STAG1: variants seen among roughly 807,000 people sequenced by gnomAD.
STAG1 encodes cohesin subunit SA-1.
In STAG1, 26 loss-of-function variants were observed where a neutral mutation model predicts 170.9. The ratio of observed to expected loss-of-function variants is 0.15; its 90% CI spans 0.11 to 0.21. The LOEUF (loss-of-function observed/expected upper bound fraction) is 0.21. Among genes scored for constraint, STAG1 ranks in the 10% least tolerant of loss-of-function variants. STAG1 has a pLI of 1.00. For synonymous variants in STAG1, 514 were observed against 497.7 expected, an observed-to-expected ratio of 1.03 and a Z score of -0.44; for missense variants, 964 against 1,509.5, an observed-to-expected ratio of 0.64 and a Z score of 5.99.
At chr3:136,675,611 A>G (rs1450575507) in intron 1 of STAG1, among the ~76,000 whole-genome samples, 4 of 152,152 alleles carry the variant, frequency 2.6e-5, no homozygotes, top group Non-Finnish European at 5.9e-5. Context: ...TAGGTTTACT[A>G]TATTCACCAA....
intron 16 of STAG1, among the ~76,000 whole-genome samples, chr3:136,432,968 C>A (rs1208688188): frequency 6.6e-6 from 1 of 152,050 alleles, no homozygotes; most frequent in African/African-American, 2.4e-5. Context: ...AAAATATTTC[C>A]CAATGTGTGT....
At chr3:136,663,314 A>C (rs1941640891) in intron 1 of STAG1, among the ~76,000 whole-genome samples, 1 of 152,182 alleles carries the variant, frequency 6.6e-6, no homozygotes, top group Admixed American at 6.5e-5. Context: ...TTTAACTCTC[A>C]CAACAACCCT....
At chr3:136,486,741 C>T (rs1425686379) in intron 9 of STAG1, among the ~76,000 whole-genome samples, 1 of 152,084 alleles carries the variant, frequency 6.6e-6, no homozygotes, top group Non-Finnish European at 1.5e-5. Context: ...TTCCAACTAA[C>T]TCTTAGAGTT....
intron 15 of STAG1, among the ~76,000 whole-genome samples, chr3:136,435,356 C>A (rs1469650536): frequency 6.6e-6 from 1 of 152,174 alleles, no homozygotes; most frequent in African/African-American, 2.4e-5. Flanking sequence ...ATGCACTTAG[C>A]TAGCAGTAGA....
chr3:136,419,935 T>C (rs1559790170), intron 20 of STAG1, among the ~76,000 whole-genome samples: 2 of 152,056 alleles, frequency 1.3e-5, no homozygotes, highest in African/African-American at 4.8e-5. Flanking sequence ...TTACAGTAAA[T>C]AAATTTTATA....
intron 16 of STAG1, among the ~76,000 whole-genome samples, chr3:136,432,370 T>C (rs1269758231): frequency 1.3e-5 from 2 of 152,234 alleles, no homozygotes; most frequent in African/African-American, 4.8e-5. Flanking sequence ...ATAGCCCTAC[T>C]GAGAAGCCAT....
chr3:136,645,635 T>A (rs576930782), intron 1 of STAG1, among the ~76,000 whole-genome samples: 1 of 152,378 alleles, frequency 6.6e-6, no homozygotes, highest in East Asian at 1.9e-4. Context: ...TTAAGCTTTA[T>A]GGGTAAACCC....
At chr3:136,748,714 T>C (rs1935075786) in intron 1 of STAG1, among the ~76,000 whole-genome samples, 1 of 152,170 alleles carries the variant, frequency 6.6e-6, no homozygotes. Flanking sequence ...TAATAGTAAT[T>C]TTTTTAAATT....
At chr3:136,430,806 G>GACAGACACACACAC (rs778171419) in intron 16 of STAG1, among the ~76,000 whole-genome samples, 4 of 131,160 alleles carry the variant, frequency 3.0e-5, no homozygotes, top group African/African-American at 1.1e-4. Context: ...GACATAGACA[G>GACAGACACACACAC]ACACACACAC....
intron 1 of STAG1, among the ~76,000 whole-genome samples, chr3:136,744,684 T>TA (rs1288450273): frequency 6.7e-6 from 1 of 149,924 alleles, no homozygotes; most frequent in Non-Finnish European, 1.5e-5. Context: ...TTTTTTTTTT[T>TA]TTTTTTTTTG....
chr3:136,549,716 T>A (rs1366837008), intron 5 of STAG1, among the ~76,000 whole-genome samples: 1 of 151,614 alleles, frequency 6.6e-6, no homozygotes. Flanking sequence ...ATACACAGAA[T>A]AGAAGTGGTG....
rs966365655 is a variant in STAG1, at chr3:136,613,230, A to C, written c.133-8757T>G. On this transcript the variant is annotated intron_variant, in intron 3 of 33. Coordinates refer to ENST00000383202, the MANE Select transcript of STAG1 (RefSeq NM_005862.3). ...TGAGGCAGGAGAACGGTGTGAACCC[A>C]GGAGGCGGAGCTTGCAGTGAGCCAC... Among the ~76,000 whole-genome samples, 5 of 141,302 alleles carry C rather than the reference A, an allele frequency of 3.5e-5. No individual in the cohort carries two copies. In the South Asian group the frequency reaches 1.2e-3, roughly 34 times the overall value. The allele number at this position is 141,302 out of a possible 152,430, so 92.7% of individuals were successfully genotyped here.
intron 6 of STAG1, among the ~76,000 whole-genome samples, chr3:136,531,907 T>TAAAAAAAAA (rs58322006): frequency 1.1e-5 from 1 of 90,344 alleles, no homozygotes; most frequent in Non-Finnish European, 2.6e-5. Context: ...ACTTAAAGTA[T>TAAAAAAAAA]AAAAAAAAAA....
chr3:136,696,025 T>C lies in STAG1; in HGVS notation c.-84+56170A>G, dbSNP rs144422602. 9.2e-5 allele frequency among the ~76,000 whole-genome samples: 14 copies of C among 152,280 alleles called. No homozygotes were observed. The East Asian group carries it at 2.1e-3, about 23-fold the overall frequency. On this transcript the variant is annotated intron_variant, in intron 1 of 33. Coordinates refer to ENST00000383202, the MANE Select transcript of STAG1 (RefSeq NM_005862.3). ...AAAAACAGAATTGCAATTCAGGACA[T>C]ACACACAGAGCAGGATAATCTTTGG...
intron 1 of STAG1, among the ~76,000 whole-genome samples, chr3:136,714,638 G>A (rs999881084): frequency 6.6e-6 from 1 of 152,026 alleles, no homozygotes; most frequent in Admixed American, 6.6e-5. Flanking sequence ...TGAGGCAGGA[G>A]AATGGCATGA....
At chr3:136,490,897 T>C (rs1334465869) in intron 9 of STAG1, among the ~76,000 whole-genome samples, 1 of 152,230 alleles carries the variant, frequency 6.6e-6, no homozygotes, top group African/African-American at 2.4e-5. Context: ...TTTGTTGTTG[T>C]TGTTATTCTT....
chr3:136,536,718 A>C (rs1378571779), intron 6 of STAG1, among the ~76,000 whole-genome samples: 2 of 151,394 alleles, frequency 1.3e-5, no homozygotes, highest in Admixed American at 6.6e-5. Flanking sequence ...AAAAAAAAAA[A>C]AAAAAAAACT....
chr3:136,464,043 T>G (rs2089371540), intron 13 of STAG1, among the ~76,000 whole-genome samples: 1 of 151,396 alleles, frequency 6.6e-6, no homozygotes, highest in African/African-American at 2.4e-5. Context: ...ACGTTATGCT[T>G]TACAAAAAAA....
chr3:136,676,473 G>T (rs1942132156), intron 1 of STAG1, among the ~76,000 whole-genome samples: 1 of 152,046 alleles, frequency 6.6e-6, no homozygotes, highest in Non-Finnish European at 1.5e-5. Context: ...TTGAGACAGG[G>T]TCTTGTTCTG....
Sources: allele counts gnomAD v4.1 joint callset (sites outside exome capture counted in the v4.1 genomes callset), GRCh38; gene constraint gnomAD v4.1.1; transcripts MANE v1.5; gene names NCBI Gene and HGNC (gene_info 2026-07-23, HGNC 2026-07-21).